CDH18: variants seen among roughly 807,000 people sequenced by gnomAD.
CDH18 encodes cadherin 18.
A neutral mutation model predicts 67.9 loss-of-function variants in CDH18; 31 were observed. The ratio of observed to expected loss-of-function variants is 0.46; its 90% CI spans 0.34 to 0.62. The LOEUF is 0.62. Ranked by LOEUF, CDH18 falls within the 20% of genes least tolerant of loss-of-function variation. The pLI is 0.01. For synonymous variants in CDH18, 362 were observed against 347.2 expected (o/e 1.04, Z -0.48); for missense variants, 890 against 975.5 (o/e 0.91, Z 1.17).
In CDH18 at chr5:20,439,191, T is replaced by A. The variant is rs150974420; in HGVS notation, c.-580+136271A>T. ...ACATAATTCCACAAAACTTTTGCAC[T>A]AATCAAATATTTTGATTCCCTATAA... On this transcript the variant is annotated intron_variant, in intron 1 of 14. Coordinates refer to the CDH18 transcript ENST00000507958. Among the ~76,000 whole-genome samples the A allele has an allele frequency of 3.5e-4, 53 of 151,706 alleles. No individual in the cohort carries two copies. The East Asian group carries it at 6.8e-3, about 19-fold the overall frequency.
At chr5:20,282,038 A>G (rs1404103817) in intron 1 of CDH18, among the ~76,000 whole-genome samples, 2 of 152,046 alleles carry the variant, frequency 1.3e-5, no homozygotes, top group East Asian at 3.9e-4. Flanking sequence ...GTATAAGAAT[A>G]CTTGTGATTT....
rs1194243439 is a variant in CDH18, at chr5:20,422,602, AC to A, written c.-580+152859del. Among the ~76,000 whole-genome samples, 3 of 151,092 alleles carry A rather than the reference AC, an allele frequency of 2.0e-5. 1 individual carries two copies. The highest frequency in any genetic ancestry group is 7.4e-5 in the African/African-American group (3 of 40,464). ...TTTAACTGAAGCCAGTTTTTACATA[AC>A]AATAAAAATATTGTTTCTTATTCTT... On this transcript the variant is annotated intron_variant, in intron 1 of 14. Transcript: ENST00000507958.
intron 1 of CDH18, among the ~76,000 whole-genome samples, chr5:20,262,275 T>A (rs2126636414): frequency 6.6e-6 from 1 of 152,298 alleles, no homozygotes; most frequent in African/African-American, 2.4e-5. Flanking sequence ...CTAATTATGT[T>A]TGTAAGTGAC....
intron 5 of CDH18, among the ~76,000 whole-genome samples, chr5:19,623,864 GA>G (rs1751086786): frequency 2.8e-5 from 1 of 35,128 alleles, no homozygotes; most frequent in Non-Finnish European, 1.7e-4. Flanking sequence ...ACTGAACATT[GA>G]TGATTTCTCC....
chr5:20,295,182 T>C (rs1747389400), intron 1 of CDH18, among the ~76,000 whole-genome samples: 1 of 152,192 alleles, frequency 6.6e-6, no homozygotes, highest in Non-Finnish European at 1.5e-5. Context: ...ACATCAGGAA[T>C]AGCATCAATA....
intron 2 of CDH18, among the ~76,000 whole-genome samples, chr5:20,011,970 A>G (rs1737479515): frequency 6.6e-6 from 1 of 152,204 alleles, no homozygotes; most frequent in Admixed American, 6.5e-5. Flanking sequence ...GTTAGGGAGG[A>G]GTCCCTCCTT....
At chr5:19,595,679 G>A (rs1746056056) in intron 6 of CDH18, among the ~76,000 whole-genome samples, 1 of 152,156 alleles carries the variant, frequency 6.6e-6, no homozygotes, top group Non-Finnish European at 1.5e-5. Context: ...AATTTTAAAT[G>A]TGCATGTATA....
At chr5:20,141,825 C>T (rs1898164) in intron 2 of CDH18, among the ~76,000 whole-genome samples, 147,940 of 152,142 alleles carry the variant, frequency 0.97, 72,075 homozygotes, top group Middle Eastern at 1. Context: ...AAGTGTAATG[C>T]CATCTAATTA....
intron 1 of CDH18, among the ~76,000 whole-genome samples, chr5:20,555,344 A>G (rs1295102924): frequency 1.5e-5 from 2 of 133,858 alleles, no homozygotes; most frequent in Non-Finnish European, 3.2e-5. Context: ...AAGTCACCCA[A>G]TCTATGGTAT....
At chr5:20,536,638 G>A (rs1043853245) in intron 1 of CDH18, among the ~76,000 whole-genome samples, 2 of 152,012 alleles carry the variant, frequency 1.3e-5, no homozygotes, top group African/African-American at 4.8e-5. Flanking sequence ...TTAGCCTATG[G>A]CACTACAAAT....
At chr5:19,758,803 T>C (rs1007240816) in intron 3 of CDH18, among the ~76,000 whole-genome samples, 1 of 152,216 alleles carries the variant, frequency 6.6e-6, no homozygotes, top group Non-Finnish European at 1.5e-5. Context: ...TTGGATTTAT[T>C]CCCCATCCTC....
At chr5:19,883,649 T>C (rs1787901188) in intron 2 of CDH18, among the ~76,000 whole-genome samples, 1 of 152,150 alleles carries the variant, frequency 6.6e-6, no homozygotes, top group Non-Finnish European at 1.5e-5. Flanking sequence ...GCAAAGATTA[T>C]ATTCTGAATA....
intron 2 of CDH18, among the ~76,000 whole-genome samples, chr5:19,890,951 T>C (rs970171778): frequency 6.6e-5 from 10 of 152,150 alleles, no homozygotes; most frequent in African/African-American, 2.4e-4. Flanking sequence ...AAAAAGAAGA[T>C]TTAGTTACAT....
upstream of CDH18, among the ~76,000 whole-genome samples, chr5:19,989,617 CTT>C (rs1459471922): frequency 2.6e-5 from 4 of 152,200 alleles, no homozygotes; most frequent in Non-Finnish European, 5.9e-5. Flanking sequence ...TTACTCCCCT[CTT>C]TTCTTCTTCC....
At chr5:20,075,788 G>A (rs1002677498) in intron 2 of CDH18, among the ~76,000 whole-genome samples, 8 of 152,060 alleles carry the variant, frequency 5.3e-5, no homozygotes, top group East Asian at 1.9e-4. Context: ...GATAATTTAG[G>A]TTGTGATTAC....
chr5:20,430,628 A>G (rs1376713179), intron 1 of CDH18, among the ~76,000 whole-genome samples: 1 of 152,158 alleles, frequency 6.6e-6, no homozygotes, highest in Admixed American at 6.5e-5. Flanking sequence ...TCTTCATAAT[A>G]TAATTGGAAT....
chr5:20,091,971 A>G lies in CDH18; in HGVS notation c.-517-99957T>C, dbSNP rs548069037. Among the ~76,000 whole-genome samples, 5 of 152,288 alleles carry G rather than the reference A, an allele frequency of 3.3e-5. No individual in the cohort carries two copies. In the East Asian group the frequency reaches 5.8e-4, roughly 18 times the overall value. On this transcript the variant is annotated intron_variant, in intron 2 of 14. Transcript: ENST00000507958. ...TTTTGTTTTGATTTTTTCATGCCTC[A>G]CATGCTGCCTCATGTAATTTTGGAA...
At chr5:19,852,929 A>G (rs556028355) in intron 2 of CDH18, among the ~76,000 whole-genome samples, 1 of 135,474 alleles carries the variant, frequency 7.4e-6, no homozygotes, top group East Asian at 2.2e-4. Context: ...AACATCTGGT[A>G]TGAAATTGGA....
intron 2 of CDH18, among the ~76,000 whole-genome samples, chr5:19,938,967 A>AT (rs200492955): frequency 2.0e-5 from 3 of 151,114 alleles, no homozygotes; most frequent in Non-Finnish European, 3.0e-5. Context: ...CATTTGGACC[A>AT]TTTTTTTGTT....
Sources: gnomAD v4.1 joint callset for allele counts (sites outside exome capture counted in the v4.1 genomes callset) on GRCh38, gnomAD v4.1.1 for gene constraint, MANE v1.5 for transcripts, NCBI Gene and HGNC (gene_info 2026-07-23, HGNC 2026-07-21) for gene names.